The following EFCAB13 variants were observed in gnomAD, a reference collection of about 807,000 sequenced individuals.
EFCAB13 encodes EF-hand calcium binding domain 13, also known as EF-hand calcium-binding domain-containing protein 13.
In EFCAB13, 91 loss-of-function variants were observed where a neutral mutation model predicts 110.2. The observed-to-expected ratio is 0.83, with a 90% CI of 0.70 to 0.98. EFCAB13 has a LOEUF of 0.98. Ranked by LOEUF, EFCAB13 falls within the 50% of genes least tolerant of loss-of-function variation. EFCAB13 has a pLI of 0.00. For synonymous variants in EFCAB13, 323 were observed against 369.9 expected (o/e 0.87, Z 1.45); for missense variants, 968 against 1,119.4 (o/e 0.86, Z 1.93).
chr17:47,401,184 G>A (rs900310831), intron 17 of EFCAB13, among the ~76,000 whole-genome samples: 1 of 152,210 alleles, frequency 6.6e-6, no homozygotes, highest in South Asian at 2.1e-4. Context: ...AGCTAAGGTA[G>A]ATAGAAGGTG....
chr17:47,407,240 A>T (rs2065809746), intron 20 of EFCAB13, among the ~76,000 whole-genome samples: 1 of 152,230 alleles, frequency 6.6e-6, no homozygotes, highest in South Asian at 2.1e-4. Flanking sequence ...GCTCACCTCA[A>T]ACCCAGACAT....
chr17:47,332,323 G>A (rs533389018), intron 4 of EFCAB13, among the ~76,000 whole-genome samples: 36 of 151,662 alleles, frequency 2.4e-4, no homozygotes, highest in Admixed American at 4.6e-4. Context: ...TGTATTTTGG[G>A]GGCATAATGT....
chr17:47,383,331 T>C (rs2065657317), intron 14 of EFCAB13, among the ~76,000 whole-genome samples: 1 of 152,144 alleles, frequency 6.6e-6, no homozygotes. Context: ...GCATTTGAAT[T>C]TGTTTGCTCT....
At chr17:47,397,041 CCCCTTT>C (rs2065742913) in intron 17 of EFCAB13, among the ~76,000 whole-genome samples, 2 of 143,208 alleles carry the variant, frequency 1.4e-5, no homozygotes, top group African/African-American at 2.5e-5. Context: ...CCTCCCCCTC[CCCCTTT>C]CCCTCTCATG....
chr17:47,396,459 T>C (rs2065738703), intron 17 of EFCAB13, among the ~76,000 whole-genome samples: 1 of 152,034 alleles, frequency 6.6e-6, no homozygotes, highest in African/African-American at 2.4e-5. Context: ...CAAAAAAGTA[T>C]TGTATAACAA....
At chr17:47,424,091 T>TGCGTGGCTGGTGCACA in intron 23 of EFCAB13, among the ~76,000 whole-genome samples, 1 of 152,256 alleles carries the variant, frequency 6.6e-6, no homozygotes, top group Admixed American at 6.5e-5. Flanking sequence ...CCCCGGTGGA[T>TGCGTGGCTGGTGCACA]GCGTGGCTGG....
Position 47,361,420 on chromosome 17 carries a change from G to T in EFCAB13, c.704G>T (p.Gly235Val). 2 of 1,613,868 alleles carry T rather than the reference G, an allele frequency of 1.2e-6. No individual in the cohort carries two copies. Among genetic ancestry groups the T allele is most frequent in the Non-Finnish European group, 1.7e-6 (2 of 1,179,872 alleles). ...AAGATTTTCTGTAGGATAAAAGGTG[G>T]TCGAGTTTCAACTGATGACGTGTTT... Reference protein sequence around the residue: ...ALKIFCRIKGGRVSTDDVFAV... With the variant: ...ALKIFCRIKGVRVSTDDVFAV... The change falls in exon 10 of 25, where the codon GGT becomes GTT. Residue 235 changes from glycine to valine, a missense_variant. Coordinates refer to ENST00000331493, the MANE Select transcript of EFCAB13 (RefSeq NM_152347.5).
At chr17:47,436,887 T>C (rs1472310247) in intron 24 of EFCAB13, among the ~76,000 whole-genome samples, 1 of 151,992 alleles carries the variant, frequency 6.6e-6, no homozygotes, top group Non-Finnish European at 1.5e-5. Context: ...CTTTCAGTCT[T>C]TTTGATGTAG....
At chr17:47,329,650 C>T (rs927161471) in intron 4 of EFCAB13, among the ~76,000 whole-genome samples, 5 of 152,094 alleles carry the variant, frequency 3.3e-5, no homozygotes, top group Admixed American at 3.3e-4. Context: ...ATTTATACTT[C>T]ACAGATGGCT....
rs745709268 is a variant in EFCAB13, at chr17:47,403,975, A to C, written c.2115A>C (p.Ser705=). The C allele has an allele frequency of 5.0e-6, 8 of 1,610,112 alleles. No individual in the cohort carries two copies. The Admixed American group carries it at 1.3e-4, about 27-fold the overall frequency. ...TTCTAAGAAATGTTGGGATTAAGTC[A>C]CCTAAAGAAGAGGTAGAGAAAATTC... is the stretch of plus-strand genomic sequence containing the variant. ...EDFLRNVGIK[S]PKEEVEKILQ... Residue 705 remains serine (S), a synonymous_variant, in exon 19 of 25, where the codon TCA becomes TCC. Transcript: ENST00000331493.
At chr17:47,326,566 A>C (rs2065287423) in intron 3 of EFCAB13, among the ~76,000 whole-genome samples, 179 bp downstream of exon 3, 1 of 152,224 alleles carries the variant, frequency 6.6e-6, no homozygotes, top group Admixed American at 6.5e-5. Context: ...GTTCTTTATA[A>C]ATTTAGGCTA....
intron 5 of EFCAB13, among the ~76,000 whole-genome samples, chr17:47,335,878 A>G (rs758982911): frequency 6.6e-6 from 1 of 152,200 alleles, no homozygotes; most frequent in African/African-American, 2.4e-5. Context: ...ACTTCCTACC[A>G]GGTCTCTCCC....
At chr17:47,338,583 A>G (rs1327659367) in intron 5 of EFCAB13, among the ~76,000 whole-genome samples, 1 of 151,956 alleles carries the variant, frequency 6.6e-6, no homozygotes, top group Non-Finnish European at 1.5e-5. Flanking sequence ...TAAATAAGTT[A>G]GAATAGAATT....
In EFCAB13 at chr17:47,357,196, C is replaced by CTGTT. The variant is rs112983295; in HGVS notation, c.662-4179_662-4178insTTGT. Among the ~76,000 whole-genome samples the CTGTT allele has an allele frequency of 8.6e-3, 1,307 of 152,286 alleles. 11 individuals are homozygous for CTGTT. The highest frequency in any genetic ancestry group is 0.027 in the African/African-American group (1,116 of 41,552). On this transcript the variant is annotated intron_variant, in intron 9 of 24. Coordinates refer to ENST00000331493, the MANE Select transcript of EFCAB13 (RefSeq NM_152347.5). The stretch of plus-strand genomic sequence containing the variant: ...AGCAAGCCGACTCACAGTTACTTGC[C>CTGTT]TGTCCCACAGAGCCTGCAAGGGCAT...
chr17:47,393,230 C>G (rs534945475), intron 15 of EFCAB13, among the ~76,000 whole-genome samples: 12 of 152,146 alleles, frequency 7.9e-5, no homozygotes, highest in African/African-American at 2.7e-4. Context: ...ATTTTTATAT[C>G]CACTAAAATT....
intron 5 of EFCAB13, chr17:47,341,464 T>TC (rs113278213): frequency 0.041 from 6,191 of 152,492 alleles, 288 homozygotes; most frequent in East Asian, 0.24. Context: ...TTCAAGCGAT[T>TC]TTATGCCTCA....
chr17:47,363,541 C>A (rs909048586), intron 10 of EFCAB13, among the ~76,000 whole-genome samples: 1 of 151,158 alleles, frequency 6.6e-6, no homozygotes, highest in Non-Finnish European at 1.5e-5. Context: ...TGCTCCATGG[C>A]AAATACTATA....
At chr17:47,389,455 C>T (rs1389018294) in intron 14 of EFCAB13, among the ~76,000 whole-genome samples, 1 of 152,122 alleles carries the variant, frequency 6.6e-6, no homozygotes, top group Non-Finnish European at 1.5e-5. Flanking sequence ...CACTCAGCAG[C>T]CACTTTACAA....
At chr17:47,409,617 A>T (rs1413533059) in intron 20 of EFCAB13, 30 bp from the exon 21 acceptor site, 3 of 1,573,104 alleles carry the variant, frequency 1.9e-6, no homozygotes. Flanking sequence ...GCCATTCCTC[A>T]TTGTGTAATG....
Sources: gnomAD v4.1 joint callset for allele counts (sites outside exome capture counted in the v4.1 genomes callset) on GRCh38, gnomAD v4.1.1 for gene constraint, MANE v1.5 for transcripts, NCBI Gene and HGNC (gene_info 2026-07-23, HGNC 2026-07-21) for gene names.